Variants in OSMR observed in about 807,000 individuals in gnomAD.
OSMR encodes the protein oncostatin M receptor, also known as oncostatin-M-specific receptor subunit beta.
In OSMR, 81 loss-of-function variants were observed where a neutral mutation model predicts 99.9. That is an observed-to-expected ratio of 0.81 (90% CI 0.68 to 0.97). The LOEUF (loss-of-function observed/expected upper bound fraction) is 0.97. Ranked by LOEUF, OSMR falls within the 50% of genes least tolerant of loss-of-function variation. The pLI is 0.00. For synonymous variants in OSMR, 406 were observed against 410.4 expected, an observed-to-expected ratio of 0.99 and a Z score of 0.13; for missense variants, 1,099 against 1,153.4, an observed-to-expected ratio of 0.95 and a Z score of 0.68.
chr5:38,872,405 G>A (rs1040473740), intron 2 of OSMR, among the ~76,000 whole-genome samples: 1 of 152,064 alleles, frequency 6.6e-6, no homozygotes, highest in Non-Finnish European at 1.5e-5. Flanking sequence ...TCTTAGTCTT[G>A]GTTTCTCTGA....
At chr5:38,912,245 G>A (rs971452103) in intron 9 of OSMR, among the ~76,000 whole-genome samples, 11 of 152,070 alleles carry the variant, frequency 7.2e-5, no homozygotes, top group African/African-American at 1.9e-4. Context: ...ATACAAGATC[G>A]ATGTACAAAA....
chr5:38,862,076 G>C (rs1159204508), intron 1 of OSMR, among the ~76,000 whole-genome samples: 1 of 86,148 alleles, frequency 1.2e-5, no homozygotes, highest in Non-Finnish European at 2.4e-5. Flanking sequence ...CCTCCCGGAC[G>C]GGGCGGCTGG....
chr5:38,857,138 T>G (rs1740917494), intron 1 of OSMR, among the ~76,000 whole-genome samples: 1 of 152,250 alleles, frequency 6.6e-6, no homozygotes, highest in African/African-American at 2.4e-5. Context: ...CTTAATTTTT[T>G]GTGACATGTA....
chr5:38,945,299 AC>A (rs1330289325), downstream of OSMR: 1 of 612,294 alleles, frequency 1.6e-6, no homozygotes, highest in Non-Finnish European at 2.9e-6. Context: ...GATCTGTCAG[AC>A]TCAGGCCCCA....
chr5:38,945,208 T>C (rs1380873137), downstream of OSMR: 1 of 679,838 alleles, frequency 1.5e-6, no homozygotes, highest in Non-Finnish European at 2.4e-6. Flanking sequence ...CAAAACTTTT[T>C]TCCTCATAGA....
At chr5:38,881,555 T>C (rs1743283992) in intron 3 of OSMR, 38 bp from the exon 4 acceptor site, 2 of 1,614,026 alleles carry the variant, frequency 1.2e-6, no homozygotes, top group African/African-American at 1.3e-5. Context: ...TAGGACAAGA[T>C]GGCTATGTGT....
chr5:38,933,688 C>T lies in OSMR; in HGVS notation c.*244C>T. 1.8e-6 allele frequency: 1 copy of T among 546,154 alleles called. No homozygotes were observed. Among genetic ancestry groups the T allele is most frequent in the Non-Finnish European group, 3.3e-6 (1 of 303,844 alleles). 33.8% of individuals were successfully genotyped at this position (546,154 alleles called of 1,614,324 possible). A position where few individuals can be genotyped will look rare whatever the true frequency, so the allele number is the denominator to read the frequency against. On this transcript the variant is annotated 3_prime_UTR_variant, in exon 18 of 18. Transcript: ENST00000274276. Reference sequence around the variant, plus strand: ...GCATGCTTACCTTCTGCTGTTTGTTCCAGGCTCACCTTTAGAACAGGAGAC... The same window carrying T: ...GCATGCTTACCTTCTGCTGTTTGTTTCAGGCTCACCTTTAGAACAGGAGAC...
At chr5:38,907,007 T>C (rs978372262) in intron 9 of OSMR, among the ~76,000 whole-genome samples, 5 of 152,216 alleles carry the variant, frequency 3.3e-5, no homozygotes, top group Admixed American at 2.6e-4. Flanking sequence ...CATTTTAGTA[T>C]GCAGAAATCA....
rs1278259166 is a variant in OSMR at position 38,924,464 on chromosome 5, C to A, written c.1913C>A (p.Ser638Tyr). 5.0e-6 allele frequency: 8 copies of A among 1,613,956 alleles called. No homozygotes were observed. The highest frequency in any genetic ancestry group is 6.8e-6 in the Non-Finnish European group (8 of 1,179,822). Reference protein sequence around the residue: ...NPHVLVDTLTSHSFTLSWKDY... With the variant: ...NPHVLVDTLTYHSFTLSWKDY... ...CACGTGCTGGTGGATACATTGACAT[C>A]CCACTCCTTCACTCTGAGTTGGAAA... The change falls in exon 14 of 18, where the codon TCC becomes TAC. Residue 638 changes from serine (S) to tyrosine (Y), a missense_variant. Transcript: ENST00000274276.
chr5:38,936,297 A>AAAT (rs751778398), downstream of OSMR, among the ~76,000 whole-genome samples: 155 of 152,230 alleles, frequency 1.0e-3, 1 homozygote, highest in Middle Eastern at 0.01. Flanking sequence ...TGAGTTCTCT[A>AAAT]AATAAGCTCT....
chr5:38,861,932 C>T (rs1246841482), intron 1 of OSMR, among the ~76,000 whole-genome samples: 2 of 128,952 alleles, frequency 1.6e-5, no homozygotes, highest in African/African-American at 5.7e-5. Flanking sequence ...GCTGACCCCC[C>T]CACCTCCCAC....
intron 5 of OSMR, among the ~76,000 whole-genome samples, chr5:38,884,769 G>A (rs1215741855): frequency 1.3e-5 from 2 of 152,106 alleles, no homozygotes; most frequent in African/African-American, 4.8e-5. Flanking sequence ...CACAACTAGT[G>A]GCCTCCTGTA....
chr5:38,870,073 CTCTG>C (rs1191951386), intron 2 of OSMR, among the ~76,000 whole-genome samples: 6 of 151,802 alleles, frequency 4.0e-5, no homozygotes, highest in Non-Finnish European at 5.9e-5. Context: ...TTGCTCAATT[CTCTG>C]TCTGACATTC....
chr5:38,931,849 T>G (rs767163395), intron 15 of OSMR, 34 bp from the exon 16 acceptor site: 1 of 1,596,536 alleles, frequency 6.3e-7, no homozygotes, highest in Admixed American at 1.7e-5. Flanking sequence ...GAAAAGTACT[T>G]ATTAAAAATG....
exon 3 of OSMR, chr5:38,944,989 C>T (rs745508964): frequency 9.9e-6 from 16 of 1,613,426 alleles, no homozygotes; most frequent in African/African-American, 2.7e-5. Flanking sequence ...CAGAAATCCC[C>T]GAAAACTTAG....
intron 2 of OSMR, among the ~76,000 whole-genome samples, chr5:38,874,911 T>A (rs779030964): frequency 3.9e-5 from 6 of 152,216 alleles, no homozygotes; most frequent in Admixed American, 6.5e-5. Flanking sequence ...GCATGGTAAA[T>A]AACATGTGCT....
chr5:38,931,849 T>A (rs767163395), intron 15 of OSMR, 34 bp from the exon 16 acceptor site: 2 of 1,596,654 alleles, frequency 1.3e-6, no homozygotes, highest in Non-Finnish European at 1.7e-6. Context: ...GAAAAGTACT[T>A]ATTAAAAATG....
chr5:38,856,707 T>A (rs1438088518), intron 1 of OSMR, among the ~76,000 whole-genome samples: 1 of 152,176 alleles, frequency 6.6e-6, no homozygotes, highest in Non-Finnish European at 1.5e-5. Context: ...AGTGGTGTGA[T>A]CATGGCTCAC....
At chr5:38,922,723 C>G (rs78812536) in intron 12 of OSMR, among the ~76,000 whole-genome samples, 3 of 152,262 alleles carry the variant, frequency 2.0e-5, no homozygotes, top group Non-Finnish European at 2.9e-5. Flanking sequence ...GGATGAAATA[C>G]AAAATTCCTG....
Sources: gnomAD v4.1 joint callset for allele counts (sites outside exome capture counted in the v4.1 genomes callset) on GRCh38, gnomAD v4.1.1 for gene constraint, MANE v1.5 for transcripts, NCBI Gene and HGNC (gene_info 2026-07-23, HGNC 2026-07-21) for gene names.